STX18: variants seen among roughly 807,000 people sequenced by gnomAD.
STX18 encodes syntaxin-18.
STX18 carries 40 observed loss-of-function variants against 50.1 expected under a neutral mutation model. The observed-to-expected ratio is 0.80, with a 90% CI of 0.62 to 1.04. STX18 has a LOEUF of 1.04. STX18 is among the 50% of genes least tolerant of loss of function. The probability of loss-of-function intolerance (pLI) is 0.00; values close to 1 mark genes in which losing one functional copy is unlikely to be tolerated. For synonymous variants in STX18, 158 were observed against 151.8 expected (o/e 1.04, Z -0.30); for missense variants, 410 against 415.8 (o/e 0.99, Z 0.12).
rs547494020 is a variant in STX18, at chr4:4,420,067, G to A, written c.975C>T (p.Phe325=). The change falls in exon 11 of 11, where the codon TTC becomes TTT. Residue 325 remains phenylalanine, a synonymous_variant. Transcript: ENST00000306200. This position sits in a 1 kb window ranked among gnomAD's most constrained non-coding sequence, Gnocchi z 4.3. ...WILFFLVMCS[F]SLLFLDWYDS is the part of the protein sequence containing the mutation. ...CGTACCAGTCGAGGAAGAGCAAGGAGAAGGAGCACATCACGAGGAAGAAGA... is the reference window on the plus strand; with the variant it reads ...CGTACCAGTCGAGGAAGAGCAAGGAAAAGGAGCACATCACGAGGAAGAAGA... The A allele has an allele frequency of 4.3e-6, 7 of 1,613,450 alleles. No individual in the cohort carries two copies. Among genetic ancestry groups the A allele is most frequent in the South Asian group, 1.1e-5 (1 of 90,876 alleles).
intron 1 of STX18, among the ~76,000 whole-genome samples, chr4:4,492,030 T>C (rs1014631066): frequency 6.6e-6 from 1 of 152,136 alleles, no homozygotes; most frequent in Non-Finnish European, 1.5e-5. Flanking sequence ...TACATTTTTA[T>C]GATGCCTTTG....
intron 5 of STX18, 110 bp from the exon 6 acceptor site, chr4:4,438,619 T>C (rs545835892): frequency 1.3e-5 from 11 of 815,820 alleles, no homozygotes; most frequent in East Asian, 7.7e-5. Flanking sequence ...GTCCCTGTAC[T>C]GGGGAGCAGT....
intron 1 of STX18, 81 bp downstream of exon 1, chr4:4,541,716 C>T: frequency 6.7e-7 from 1 of 1,487,640 alleles, no homozygotes; most frequent in Non-Finnish European, 9.1e-7. Flanking sequence ...GCTTACGGGA[C>T]GGGGTCTGGT....
At chr4:4,527,865 C>CATAT (rs1164396031) in intron 1 of STX18, among the ~76,000 whole-genome samples, 5 of 103,522 alleles carry the variant, frequency 4.8e-5, no homozygotes, top group Middle Eastern at 5.2e-3. Flanking sequence ...CACACACACA[C>CATAT]ACATATATAT....
At chr4:4,514,081 G>A (rs1730129441) in intron 1 of STX18, among the ~76,000 whole-genome samples, 1 of 152,088 alleles carries the variant, frequency 6.6e-6, no homozygotes, top group Admixed American at 6.6e-5. Context: ...AAATCCACAT[G>A]GCCAGGACTT....
At chr4:4,490,509 G>A (rs1462629171) in intron 1 of STX18, among the ~76,000 whole-genome samples, 2 of 152,162 alleles carry the variant, frequency 1.3e-5, no homozygotes, top group African/African-American at 2.4e-5. Context: ...AAACTGAAAC[G>A]TTTTCCCTCC....
intron 1 of STX18, among the ~76,000 whole-genome samples, chr4:4,500,327 C>T (rs576495141): frequency 4.1e-4 from 62 of 152,250 alleles, no homozygotes; most frequent in East Asian, 2.7e-3. Context: ...CAACCATGGA[C>T]GGAAAATATT....
At chr4:4,470,333 G>C (rs1441580787) in intron 2 of STX18, among the ~76,000 whole-genome samples, 1 of 152,158 alleles carries the variant, frequency 6.6e-6, no homozygotes. Flanking sequence ...AAACAAAAAT[G>C]TCTCCAGACA....
rs553254201 is a variant in STX18, at chr4:4,541,722, C to G, written c.168+75G>C. Reference sequence around the variant, plus strand: ...TCACACAATGCTTACGGGACGGGGTCTGGTTTGGGGCCCGGGGTCCCTGTC... The same window carrying G: ...TCACACAATGCTTACGGGACGGGGTGTGGTTTGGGGCCCGGGGTCCCTGTC... On this transcript the variant is annotated intron_variant, in intron 1 of 10. Coordinates refer to ENST00000306200, the MANE Select transcript of STX18 (RefSeq NM_016930.4). 1.9e-5 allele frequency: 29 copies of G among 1,518,976 alleles called. No individual in the cohort carries two copies. In the Middle Eastern group the frequency reaches 8.8e-4, roughly 46 times the overall value. 94.1% of individuals were successfully genotyped at this position (1,518,976 alleles called of 1,614,324 possible). A position where few individuals can be genotyped will look rare whatever the true frequency, so the allele number is the denominator to read the frequency against.
intron 9 of STX18, among the ~76,000 whole-genome samples, chr4:4,421,272 T>TACTA (rs1158543893): frequency 6.6e-6 from 1 of 151,664 alleles, no homozygotes; most frequent in African/African-American, 2.4e-5. Flanking sequence ...CAGAGAAGTT[T>TACTA]ACTAACTTGC....
In STX18 at chr4:4,420,095, A is replaced by G; in HGVS notation, c.947T>C (p.Ile316Thr). ...IKNNAGFRVW[I>T]LFFLVMCSFS... is the part of the protein sequence containing the mutation. Reference sequence around the variant, plus strand: ...GGAGCACATCACGAGGAAGAAGAGGATCCACACGCGGAAGCCAGCGTTGTT... The same window carrying G: ...GGAGCACATCACGAGGAAGAAGAGGGTCCACACGCGGAAGCCAGCGTTGTT... Residue 316 changes from isoleucine (I) to threonine (T), a missense_variant, in exon 11 of 11, where the codon ATC becomes ACC. By Grantham distance (89) the Ile-to-Thr change is moderately conservative. Transcript: ENST00000306200. This position sits in a 1 kb window ranked among gnomAD's most constrained non-coding sequence, Gnocchi z 4.3. 6.2e-7 allele frequency: 1 copy of G among 1,613,486 alleles called. No homozygotes were observed. The highest frequency in any genetic ancestry group is 2.2e-5 in the East Asian group (1 of 44,842).
chr4:4,478,058 A>G (rs1296490053), intron 1 of STX18: 1 of 152,196 alleles, frequency 6.6e-6, no homozygotes, highest in African/African-American at 2.4e-5. Context: ...AAGAATTGGC[A>G]TTGATCACAG....
At chr4:4,450,763 C>T (rs989128102) in intron 5 of STX18, among the ~76,000 whole-genome samples, 1 of 152,224 alleles carries the variant, frequency 6.6e-6, no homozygotes, top group African/African-American at 2.4e-5. Flanking sequence ...AAAACTGCTG[C>T]TCCCCACGAC....
chr4:4,434,641 T>C, intron 7 of STX18, 129 bp downstream of exon 7: 3 of 691,214 alleles, frequency 4.3e-6, no homozygotes, highest in Non-Finnish European at 7.0e-6. Flanking sequence ...GTATATAAAA[T>C]ACACATTTAT....
At chr4:4,485,569 G>C (rs774876328) in intron 1 of STX18, among the ~76,000 whole-genome samples, 2 of 152,072 alleles carry the variant, frequency 1.3e-5, no homozygotes, top group Non-Finnish European at 2.9e-5. Flanking sequence ...TGCTAGACTC[G>C]CAGGCAGTAA....
intron 1 of STX18, among the ~76,000 whole-genome samples, chr4:4,483,026 T>G (rs1472199046): frequency 6.6e-6 from 1 of 152,114 alleles, no homozygotes; most frequent in African/African-American, 2.4e-5. Flanking sequence ...AGAGAAAACA[T>G]GTGCACAAAA....
intron 2 of STX18, among the ~76,000 whole-genome samples, chr4:4,469,488 G>A (rs1403117912): frequency 6.6e-6 from 1 of 152,112 alleles, no homozygotes; most frequent in Admixed American, 6.5e-5. Flanking sequence ...AGGAAGAAAA[G>A]AACCGGATGA....
At chr4:4,454,844 A>G (rs1726981550) in intron 5 of STX18, among the ~76,000 whole-genome samples, 1 of 152,258 alleles carries the variant, frequency 6.6e-6, no homozygotes, top group South Asian at 2.1e-4. Context: ...ATTTAAAGAT[A>G]TGGTGGCTTT....
intron 1 of STX18, among the ~76,000 whole-genome samples, chr4:4,526,786 T>C (rs1053470770): frequency 5.3e-5 from 8 of 151,578 alleles, no homozygotes; most frequent in Admixed American, 1.3e-4. Flanking sequence ...CTGGGCAACA[T>C]AGTGAGACTC....
Sources: allele counts gnomAD v4.1 joint callset (sites outside exome capture counted in the v4.1 genomes callset), GRCh38; gene constraint gnomAD v4.1.1; non-coding constraint Gnocchi (gnomAD v3.1); transcripts MANE v1.5; gene names NCBI Gene and HGNC (gene_info 2026-07-23, HGNC 2026-07-21).